The following KAZN variants were observed in gnomAD, a reference collection of about 807,000 sequenced individuals.
KAZN encodes the protein kazrin, periplakin interacting protein.
KAZN carries 40 observed loss-of-function variants against 87.4 expected under a neutral mutation model. That is an observed-to-expected ratio of 0.46 (90% CI 0.36 to 0.60). The LOEUF is 0.60. Ranked by LOEUF, KAZN falls within the 20% of genes least tolerant of loss-of-function variation. KAZN has a pLI of 0.00. For missense variants in KAZN, 898 were observed against 1,073.9 expected (o/e 0.84, Z 2.29); for synonymous variants, 466 against 458.3 (o/e 1.02, Z -0.22).
intron 1 of KAZN, among the ~76,000 whole-genome samples, chr1:13,943,274 C>A: frequency 6.6e-6 from 1 of 151,956 alleles, no homozygotes; most frequent in South Asian, 2.1e-4. Context: ...TGATGAAAGC[C>A]AGAAGACAAT....
intron 1 of KAZN, among the ~76,000 whole-genome samples, chr1:13,978,899 A>G (rs1247636115): frequency 1.3e-5 from 2 of 151,682 alleles, no homozygotes; most frequent in African/African-American, 2.4e-5. Flanking sequence ...TCAGGAGCTC[A>G]AGACCAGCCT....
intron 8 of KAZN, among the ~76,000 whole-genome samples, chr1:15,078,465 C>T (rs911617093): frequency 3.9e-5 from 6 of 152,070 alleles, no homozygotes; most frequent in Non-Finnish European, 7.4e-5. Flanking sequence ...ACAGACTGCA[C>T]GACACTGCTT....
At chr1:14,282,890 G>T (rs1383053952) in intron 2 of KAZN, among the ~76,000 whole-genome samples, 1 of 152,198 alleles carries the variant, frequency 6.6e-6, no homozygotes, top group Admixed American at 6.5e-5. Flanking sequence ...GAGCCCTGGA[G>T]GGAAAGAAAC....
chr1:14,596,284 G>GTTCTTC (rs1374154689), upstream of KAZN, among the ~76,000 whole-genome samples: 2 of 147,068 alleles, frequency 1.4e-5, no homozygotes, highest in African/African-American at 5.1e-5. Flanking sequence ...TATACCAGAG[G>GTTCTTC]TGTGAGTGCA....
intron 2 of KAZN, among the ~76,000 whole-genome samples, chr1:14,411,161 A>G (rs1407571122): frequency 1.3e-5 from 2 of 152,254 alleles, no homozygotes; most frequent in African/African-American, 2.4e-5. Flanking sequence ...TACAGAGGGC[A>G]ATGACCAGAA....
At position 14,649,381 on chromosome 1, in the gene KAZN, G is replaced by A. The variant is rs537456223; in HGVS notation, c.226+50158G>A. Among the ~76,000 whole-genome samples, 6 of 152,298 alleles carry A rather than the reference G, an allele frequency of 3.9e-5. No homozygotes were observed. In the East Asian group the frequency reaches 7.7e-4, roughly 20 times the overall value. ...AGAGAGGTTAAGTGACTTGTGGATCGTCACACAGCAGGTAACCAGTAGAGG... is the reference window on the plus strand; with the variant it reads ...AGAGAGGTTAAGTGACTTGTGGATCATCACACAGCAGGTAACCAGTAGAGG... On this transcript the variant is annotated intron_variant, in intron 1 of 14. Coordinates refer to ENST00000376030, the MANE Select transcript of KAZN (RefSeq NM_201628.3).
chr1:14,244,169 C>G (rs1439632164), intron 2 of KAZN, among the ~76,000 whole-genome samples: 2 of 152,172 alleles, frequency 1.3e-5, no homozygotes, highest in African/African-American at 4.8e-5. Flanking sequence ...TCCTTGAAAA[C>G]TTTTGGATAC....
At chr1:14,111,130 G>T (rs142078806) in intron 1 of KAZN, among the ~76,000 whole-genome samples, 1,867 of 134,274 alleles carry the variant, frequency 0.014, 463 homozygotes, top group African/African-American at 0.051. Context: ...TCCATTGAGG[G>T]TCTATGCTAT....
intron 2 of KAZN, among the ~76,000 whole-genome samples, chr1:14,205,967 C>CAT (rs1176631944): frequency 2.1e-5 from 3 of 139,788 alleles, no homozygotes; most frequent in Non-Finnish European, 4.5e-5. Context: ...CGCATGTATA[C>CAT]ATATGTAAGA....
At chr1:14,254,700 T>G (rs979317776) in intron 2 of KAZN, among the ~76,000 whole-genome samples, 1 of 151,812 alleles carries the variant, frequency 6.6e-6, no homozygotes, top group Non-Finnish European at 1.5e-5. Context: ...TACCTGAGAC[T>G]GGGTAATTTA....
At chr1:14,365,597 G>A (rs902168533) in intron 2 of KAZN, among the ~76,000 whole-genome samples, 1 of 152,150 alleles carries the variant, frequency 6.6e-6, no homozygotes, top group Non-Finnish European at 1.5e-5. Context: ...TTTGTGGCAG[G>A]TAATTCCTTG....
intron 2 of KAZN, among the ~76,000 whole-genome samples, chr1:15,025,882 G>A (rs1476074162): frequency 2.0e-5 from 3 of 152,334 alleles, no homozygotes; most frequent in Non-Finnish European, 4.4e-5. Flanking sequence ...CAGCACTTTG[G>A]GAGGCCAAGG....
At chr1:14,951,190 G>A (rs1287687725) in intron 1 of KAZN, among the ~76,000 whole-genome samples, 1 of 152,132 alleles carries the variant, frequency 6.6e-6, no homozygotes, top group Non-Finnish European at 1.5e-5. Flanking sequence ...CCTGCCACGT[G>A]CTATGCCCAC....
intron 1 of KAZN, among the ~76,000 whole-genome samples, chr1:14,146,536 C>CAAAAAAAAAAAAAAAAAAAAAAAAAAA (rs55928646): frequency 3.1e-5 from 2 of 63,516 alleles, no homozygotes; most frequent in Non-Finnish European, 5.7e-5. Context: ...AACTCCATCT[C>CAAAAAAAAAAAAAAAAAAAAAAAAAAA]AAAAAAAAAA....
intron 1 of KAZN, among the ~76,000 whole-genome samples, chr1:14,141,258 A>T (rs1185797567): frequency 1.4e-5 from 2 of 146,844 alleles, no homozygotes; most frequent in African/African-American, 5.1e-5. Context: ...AAAAAACAAA[A>T]CTAAAAATAG....
At chr1:14,745,105 G>C (rs921236875) in intron 1 of KAZN, among the ~76,000 whole-genome samples, 1 of 152,014 alleles carries the variant, frequency 6.6e-6, no homozygotes, top group African/African-American at 2.4e-5. Flanking sequence ...TAACCAAAAG[G>C]TCTGGCCAAA....
chr1:15,018,505 C>T (rs1181307687), intron 2 of KAZN, among the ~76,000 whole-genome samples: 1 of 150,964 alleles, frequency 6.6e-6, no homozygotes, highest in Non-Finnish European at 1.5e-5. Context: ...TGTCTGCAGC[C>T]GTCATGGGGT....
At chr1:14,432,774 C>T (rs1052700395) in intron 2 of KAZN, among the ~76,000 whole-genome samples, 1 of 152,028 alleles carries the variant, frequency 6.6e-6, no homozygotes, top group African/African-American at 2.4e-5. Context: ...CTCTCCGTGT[C>T]CCTATGTTCT....
At chr1:14,167,239 T>C (rs947310993) in intron 1 of KAZN, among the ~76,000 whole-genome samples, 3 of 152,200 alleles carry the variant, frequency 2.0e-5, no homozygotes, top group Admixed American at 6.5e-5. Flanking sequence ...GTGCATTTTA[T>C]CCTAAAATTT....
Sources: allele counts gnomAD v4.1 joint callset (sites outside exome capture counted in the v4.1 genomes callset), GRCh38; gene constraint gnomAD v4.1.1; transcripts MANE v1.5; gene names NCBI Gene and HGNC (gene_info 2026-07-23, HGNC 2026-07-21).